Variants in OSBP observed in about 807,000 individuals in gnomAD.
OSBP encodes the protein oxysterol binding protein.
In OSBP, 32 loss-of-function variants were observed where a neutral mutation model predicts 96.6. The ratio of observed to expected loss-of-function variants is 0.33; its 90% CI spans 0.25 to 0.45. The LOEUF (loss-of-function observed/expected upper bound fraction) is 0.45. OSBP is among the 20% of genes least tolerant of loss of function. OSBP has a pLI of 1.00. For missense variants in OSBP, 653 were observed against 1,029.7 expected (o/e 0.63, Z 5.01); for synonymous variants, 369 against 389.6 (o/e 0.95, Z 0.62).
In OSBP at chr11:59,594,076, T is replaced by C. The variant is rs1217440289; in HGVS notation, c.1491A>G (p.Pro497=). ...CCAGCTCAAAGGTCTCCCCAAGCAG[T>C]GGGTTGAATGGCTTACTGGTGCGGA... ...TVFRTSKPFN[P]LLGETFELDR... Residue 497 remains proline, a synonymous_variant, in exon 8 of 14, where the codon CCA becomes CCG. Transcript: ENST00000263847. 2.5e-6 allele frequency: 4 copies of C among 1,613,820 alleles called. No individual in the cohort carries two copies. The highest frequency in any genetic ancestry group is 1.3e-5 in the African/African-American group (1 of 74,856).
Position 59,578,386 on chromosome 11 carries a change from C to T in OSBP, c.1879-56G>A, listed in dbSNP as rs17153928. 6,666 of 1,522,822 alleles carry T rather than the reference C, an allele frequency of 4.4e-3. 246 individuals carry two copies. In the African/African-American group the frequency reaches 0.081, roughly 19 times the overall value. The allele number at this position is 1,522,822 out of a possible 1,614,324, so 94.3% of individuals were successfully genotyped here. On this transcript the variant is annotated intron_variant, in intron 11 of 13. Coordinates refer to ENST00000263847, the MANE Select transcript of OSBP (RefSeq NM_002556.3). ...ATAGAATTCACTGTGAATTAGCTTA[C>T]CTGACTATACTGGAAGTCCTAGGAT...
intron 9 of OSBP, among the ~76,000 whole-genome samples, chr11:59,582,145 T>TA (rs1860429935): frequency 6.6e-6 from 1 of 152,246 alleles, no homozygotes; most frequent in Admixed American, 6.5e-5. Context: ...GGAATATCTC[T>TA]GTTATTTACG....
At chr11:59,584,801 G>A (rs1398026633) in intron 9 of OSBP, among the ~76,000 whole-genome samples, 1 of 151,978 alleles carries the variant, frequency 6.6e-6, no homozygotes, top group African/African-American at 2.4e-5. Context: ...GGGCAATCAG[G>A]CAAGAAAAAG....
At chr11:59,611,294 G>C (rs576614058) in intron 1 of OSBP, among the ~76,000 whole-genome samples, 44 of 152,286 alleles carry the variant, frequency 2.9e-4, no homozygotes, top group South Asian at 2.1e-3. Flanking sequence ...TCAAGATGTA[G>C]AACATTTCTA....
intron 9 of OSBP, among the ~76,000 whole-genome samples, chr11:59,589,470 G>A (rs1287448): frequency 0.17 from 25,961 of 151,574 alleles, 4,061 homozygotes; most frequent in African/African-American, 0.41. Flanking sequence ...GTGTGGTGGC[G>A]GGCACCTGTA....
rs1860341033 is a variant in OSBP at position 59,574,756 on chromosome 11, C to CA, written c.*1820dup. ...TCTTAGGAGGAAATTCCCCAGCAGT[C>CA]AAAGTCACTCCTCTCCCATGTTTAT... On this transcript the variant is annotated 3_prime_UTR_variant, in exon 14 of 14. Transcript: ENST00000263847. The CA allele has an allele frequency of 6.6e-6, 1 of 152,538 alleles. No individual in the cohort carries two copies. 9.4% of individuals were successfully genotyped at this position (152,538 alleles called of 1,614,324 possible). A position where few individuals can be genotyped will look rare whatever the true frequency, so the allele number is the denominator to read the frequency against.
At chr11:59,580,434 T>G (rs867689931) in intron 10 of OSBP, among the ~76,000 whole-genome samples, 165 bp from the exon 11 acceptor site, 3 of 152,232 alleles carry the variant, frequency 2.0e-5, no homozygotes, top group Non-Finnish European at 2.9e-5. Flanking sequence ...CTATGTAACC[T>G]TGGTTTTCCA....
chr11:59,599,355 C>T (rs1265131166), intron 7 of OSBP, among the ~76,000 whole-genome samples: 1 of 152,136 alleles, frequency 6.6e-6, no homozygotes, highest in Non-Finnish European at 1.5e-5. Context: ...AGATGGTAGC[C>T]AGAGTTGGCC....
chr11:59,593,512 G>A (rs928026636), intron 9 of OSBP, 92 bp downstream of exon 9: 15 of 1,427,978 alleles, frequency 1.1e-5, no homozygotes, highest in Non-Finnish European at 1.5e-5. Flanking sequence ...CAGACCTCCT[G>A]TCTCCTGACT....
chr11:59,581,407 G>A (rs1482243972), intron 10 of OSBP, 44 bp downstream of exon 10: 1 of 1,088,286 alleles, frequency 9.2e-7, no homozygotes, highest in Non-Finnish European at 1.4e-6. Flanking sequence ...ACCTAAAGAA[G>A]TATTCTTTTA....
chr11:59,578,632 T>C lies in OSBP; in HGVS notation c.1879-302A>G, dbSNP rs966241583. 2.0e-5 allele frequency among the ~76,000 whole-genome samples: 3 copies of C among 152,104 alleles called. No homozygotes were observed. The South Asian group carries it at 6.2e-4, about 32-fold the overall frequency. On this transcript the variant is annotated intron_variant, in intron 11 of 13. Transcript: ENST00000263847. ...ATCTGGCTAAGTCTTTAATTTTTTT[T>C]GTAGAGAAGGGGTCTTGCTATGTTG...
At chr11:59,580,104 A>G in intron 11 of OSBP, 70 bp downstream of exon 11, 1 of 990,340 alleles carries the variant, frequency 1.0e-6, no homozygotes, top group African/African-American at 1.6e-5. Flanking sequence ...TATACATTCC[A>G]GTCCTAAAGG....
chr11:59,589,073 AATAAGTC>A (rs1312232069), intron 9 of OSBP, among the ~76,000 whole-genome samples: 1 of 152,056 alleles, frequency 6.6e-6, no homozygotes, highest in African/African-American at 2.4e-5. Context: ...CAAAAAGAAA[AATAAGTC>A]ATAGAGGCCA....
chr11:59,588,429 G>A lies in OSBP; in HGVS notation c.1678+5175C>T, dbSNP rs569026304. On this transcript the variant is annotated intron_variant, in intron 9 of 13. Coordinates refer to ENST00000263847, the MANE Select transcript of OSBP (RefSeq NM_002556.3). ...CGGGTACCTGTGATCCCAGCTACTC[G>A]GGAGGCTGAGTCACAAGAATCGCTT... Among the ~76,000 whole-genome samples, 37 of 151,812 alleles carry A rather than the reference G, an allele frequency of 2.4e-4. 1 individual carries two copies. Among genetic ancestry groups the A allele is most frequent in the Non-Finnish European group, 4.1e-4 (28 of 67,916 alleles).
Position 59,577,078 on chromosome 11 carries a change from T to C in OSBP, c.2061-53A>G, listed in dbSNP as rs1002182642. 17 of 1,466,450 alleles carry C rather than the reference T, an allele frequency of 1.2e-5. No individual in the cohort carries two copies. Among genetic ancestry groups the C allele is most frequent in the Admixed American group, 7.7e-5 (4 of 51,868 alleles). The allele number at this position is 1,466,450 out of a possible 1,614,324, so 90.8% of individuals were successfully genotyped here. On this transcript the variant is annotated intron_variant, in intron 12 of 13. Coordinates refer to ENST00000263847, the MANE Select transcript of OSBP (RefSeq NM_002556.3). ...TGGTAATCCCAGAGCCCAGACCCTA[T>C]TTAAAGAGCAACAACTAAGTACACT...
chr11:59,607,799 A>C (rs1860800876), intron 3 of OSBP, among the ~76,000 whole-genome samples: 1 of 152,216 alleles, frequency 6.6e-6, no homozygotes, highest in African/African-American at 2.4e-5. Context: ...AGCAGCTAAA[A>C]TGTTCTGCAA....
chr11:59,578,348 A>G lies in OSBP; in HGVS notation c.1879-18T>C, dbSNP rs965970519. Reference sequence around the variant, plus strand: ...CCCGTCACCTGCAAGGGTGGAGAACAGGGCTTGGCTATATAGAATTCACTG... The same window carrying G: ...CCCGTCACCTGCAAGGGTGGAGAACGGGGCTTGGCTATATAGAATTCACTG... On this transcript the variant is annotated intron_variant, in intron 11 of 13. Transcript: ENST00000263847. 3 of 1,611,412 alleles carry G rather than the reference A, an allele frequency of 1.9e-6. No individual in the cohort carries two copies. Among genetic ancestry groups the G allele is most frequent in the Non-Finnish European group, 1.7e-6 (2 of 1,178,234 alleles).
At chr11:59,582,682 G>C (rs770238801) in intron 9 of OSBP, among the ~76,000 whole-genome samples, 5 of 152,194 alleles carry the variant, frequency 3.3e-5, no homozygotes, top group African/African-American at 7.2e-5. Context: ...CCTCCAACTT[G>C]TTGCTGGCAT....
Position 59,589,905 on chromosome 11 carries a change from C to A in OSBP, c.1678+3699G>T, listed in dbSNP as rs555141769. Reference sequence around the variant, plus strand: ...AGCTGAAGCAGGAGAATCGCTTGAACCCAGGAGGAGGAGGTTGCAGTGAGC... The same window carrying A: ...AGCTGAAGCAGGAGAATCGCTTGAAACCAGGAGGAGGAGGTTGCAGTGAGC... On this transcript the variant is annotated intron_variant, in intron 9 of 13. Transcript: ENST00000263847. Among the ~76,000 whole-genome samples, 16 of 152,238 alleles carry A rather than the reference C, an allele frequency of 1.1e-4. No individual in the cohort carries two copies. The South Asian group carries it at 3.3e-3, about 32-fold the overall frequency.
Sources: gnomAD v4.1 joint callset for allele counts (sites outside exome capture counted in the v4.1 genomes callset) on GRCh38, gnomAD v4.1.1 for gene constraint, MANE v1.5 for transcripts, NCBI Gene and HGNC (gene_info 2026-07-23, HGNC 2026-07-21) for gene names.